Variants in DIS3L2 observed in about 807,000 individuals in gnomAD.
DIS3L2 encodes DIS3-like exonuclease 2.
DIS3L2 carries 34 observed loss-of-function variants against 97.5 expected under a neutral mutation model. The ratio of observed to expected loss-of-function variants is 0.35; its 90% CI spans 0.27 to 0.46. The LOEUF (loss-of-function observed/expected upper bound fraction) is 0.46. Among genes scored for constraint, DIS3L2 ranks in the 20% least tolerant of loss-of-function variants. The probability of loss-of-function intolerance (pLI) is 1.00; values close to 1 mark genes in which losing one functional copy is unlikely to be tolerated. For synonymous variants in DIS3L2, 435 were observed against 445.2 expected (o/e 0.98, Z 0.29); for missense variants, 1,038 against 1,146.0 (o/e 0.91, Z 1.36).
intron 1 of DIS3L2, among the ~76,000 whole-genome samples, chr2:232,002,545 G>A (rs1269921658): frequency 6.6e-6 from 1 of 152,018 alleles, no homozygotes; most frequent in African/African-American, 2.4e-5. Context: ...ATTAACATTT[G>A]TTGTGTTTTT....
intron 1 of DIS3L2, among the ~76,000 whole-genome samples, chr2:231,961,989 A>G (rs1692570804): frequency 6.6e-6 from 1 of 152,150 alleles, no homozygotes; most frequent in African/African-American, 2.4e-5. Context: ...TCCGCTCCTG[A>G]CCGACCCGGC....
chr2:232,253,976 A>G (rs1693485987), intron 12 of DIS3L2, among the ~76,000 whole-genome samples: 1 of 152,236 alleles, frequency 6.6e-6, no homozygotes, highest in African/African-American at 2.4e-5. Flanking sequence ...CCCACTTCCC[A>G]GATTCAACTA....
chr2:232,110,160 C>T (rs755609647), intron 6 of DIS3L2, among the ~76,000 whole-genome samples: 1 of 151,872 alleles, frequency 6.6e-6, no homozygotes, highest in African/African-American at 2.4e-5. Context: ...GATACCATCT[C>T]AGAATGGTTA....
intron 5 of DIS3L2, among the ~76,000 whole-genome samples, chr2:232,041,283 C>T (rs1013288244): frequency 6.6e-6 from 1 of 152,160 alleles, no homozygotes; most frequent in African/African-American, 2.4e-5. Flanking sequence ...AGATGCCATT[C>T]CTGACTCAAT....
intron 9 of DIS3L2, among the ~76,000 whole-genome samples, chr2:232,191,986 C>G (rs1691629363): frequency 6.6e-6 from 1 of 152,164 alleles, no homozygotes; most frequent in Admixed American, 6.5e-5. Flanking sequence ...GAACATCCCT[C>G]TCCTGTCTTC....
At chr2:232,060,754 C>G (rs543916307) in intron 5 of DIS3L2, among the ~76,000 whole-genome samples, 3 of 152,188 alleles carry the variant, frequency 2.0e-5, no homozygotes, top group South Asian at 4.1e-4. Flanking sequence ...GTAGTATGGA[C>G]ATTTTAACAT....
intron 4 of DIS3L2, among the ~76,000 whole-genome samples, chr2:232,028,005 C>T (rs1033884523): frequency 2.6e-5 from 4 of 152,136 alleles, no homozygotes; most frequent in African/African-American, 7.2e-5. Flanking sequence ...AAGAAGCTCT[C>T]TAACTTTTTA....
At chr2:232,006,013 C>G (rs1260673522) in intron 1 of DIS3L2, among the ~76,000 whole-genome samples, 1 of 152,058 alleles carries the variant, frequency 6.6e-6, no homozygotes, top group East Asian at 1.9e-4. Flanking sequence ...CATGGCAAAA[C>G]CCTGTCTCTA....
chr2:232,053,007 C>T (rs921941342), intron 5 of DIS3L2, among the ~76,000 whole-genome samples: 5 of 152,204 alleles, frequency 3.3e-5, no homozygotes, highest in Admixed American at 3.3e-4. Context: ...TTTGATAACA[C>T]TGCATGTTGC....
chr2:232,076,294 G>T (rs1220632323), intron 5 of DIS3L2, among the ~76,000 whole-genome samples: 1 of 152,102 alleles, frequency 6.6e-6, no homozygotes, highest in Non-Finnish European at 1.5e-5. Flanking sequence ...AAGGAGACAG[G>T]GCAGTGTAGT....
chr2:232,271,942 C>G (rs1435112130), intron 13 of DIS3L2, among the ~76,000 whole-genome samples: 1 of 152,212 alleles, frequency 6.6e-6, no homozygotes, highest in Non-Finnish European at 1.5e-5. Flanking sequence ...AATAGACAAA[C>G]TTGAAAACTT....
intron 8 of DIS3L2, among the ~76,000 whole-genome samples, chr2:232,161,841 C>T (rs144782691): frequency 1.9e-3 from 282 of 151,870 alleles, no homozygotes; most frequent in Non-Finnish European, 3.3e-3. Context: ...GGCATGATCT[C>T]GGCTCACCGC....
At chr2:231,972,192 A>AC (rs1322929325) in intron 1 of DIS3L2, among the ~76,000 whole-genome samples, 1 of 152,078 alleles carries the variant, frequency 6.6e-6, no homozygotes, top group Non-Finnish European at 1.5e-5. Context: ...TCAAAAAATA[A>AC]AAAAATAAAA....
chr2:232,231,610 T>C (rs1395934519), intron 10 of DIS3L2, among the ~76,000 whole-genome samples: 2 of 152,228 alleles, frequency 1.3e-5, no homozygotes, highest in Admixed American at 1.3e-4. Context: ...CAGCAGTGAA[T>C]TTTAAGTCAC....
chr2:232,105,401 T>A (rs1697331888), intron 6 of DIS3L2, among the ~76,000 whole-genome samples: 1 of 152,328 alleles, frequency 6.6e-6, no homozygotes, highest in East Asian at 1.9e-4. Flanking sequence ...AAAATGTTGA[T>A]GTATTATAGA....
chr2:232,110,501 A>G (rs188990918), intron 6 of DIS3L2, among the ~76,000 whole-genome samples: 2 of 152,318 alleles, frequency 1.3e-5, no homozygotes, highest in East Asian at 1.9e-4. Flanking sequence ...CACATTTTCT[A>G]TGAATACTTT....
At chr2:232,240,992 CT>C (rs894381354) in intron 11 of DIS3L2, among the ~76,000 whole-genome samples, 18 of 152,202 alleles carry the variant, frequency 1.2e-4, no homozygotes, top group African/African-American at 4.1e-4. Context: ...AGTTGGGGCT[CT>C]GCTGCTGAGT....
chr2:232,040,450 C>T (rs1300011027), intron 5 of DIS3L2, among the ~76,000 whole-genome samples: 3 of 152,170 alleles, frequency 2.0e-5, no homozygotes, highest in Non-Finnish European at 4.4e-5. Flanking sequence ...TCAGTAAACT[C>T]TTGTTTGCCA....
chr2:232,315,885 C>T (rs1695258777), intron 14 of DIS3L2, among the ~76,000 whole-genome samples: 1 of 152,218 alleles, frequency 6.6e-6, no homozygotes, highest in Non-Finnish European at 1.5e-5. Flanking sequence ...ATTCCACTGA[C>T]TTTGGGCTAC....
Sources: gnomAD v4.1 joint callset for allele counts (sites outside exome capture counted in the v4.1 genomes callset) on GRCh38, gnomAD v4.1.1 for gene constraint, MANE v1.5 for transcripts, NCBI Gene and HGNC (gene_info 2026-07-23, HGNC 2026-07-21) for gene names.